Variants in TDRD3 observed in about 807,000 individuals in gnomAD.
The protein encoded by TDRD3 is tudor domain containing 3.
A neutral mutation model predicts 86.7 loss-of-function variants in TDRD3; 45 were observed. That is an observed-to-expected ratio of 0.52 (90% CI 0.41 to 0.67). The LOEUF is 0.67. Among genes scored for constraint, TDRD3 ranks in the 30% least tolerant of loss-of-function variants. The pLI is 0.00. For missense variants in TDRD3, 814 were observed against 889.0 expected, an observed-to-expected ratio of 0.92 and a Z score of 1.07; for synonymous variants, 298 against 301.7, an observed-to-expected ratio of 0.99 and a Z score of 0.13.
In TDRD3 at chr13:60,528,741, A is replaced by G; in HGVS notation, c.1516A>G (p.Arg506Gly). The G allele has an allele frequency of 6.2e-7, 1 of 1,613,068 alleles. No individual in the cohort carries two copies. Among genetic ancestry groups the G allele is most frequent in the Non-Finnish European group, 8.5e-7 (1 of 1,179,732 alleles). The stretch of plus-strand genomic sequence containing the variant: ...AAAAAGAGATAACTCTATGCAAAGC[A>G]GATCAGGAAAAGGTCCCTCCTTTGC... ...FKKRDNSMQS[R>G]SGKGPSFAEA... is the part of the protein sequence containing the mutation. The change falls in exon 11 of 14, where the codon AGA (arginine) becomes GGA (glycine). Residue 506 changes from arginine to glycine, a missense_variant. Transcript: ENST00000377881.
chr13:60,491,237 G>A (rs558472615), intron 7 of TDRD3, among the ~76,000 whole-genome samples: 1 of 152,280 alleles, frequency 6.6e-6, no homozygotes, highest in East Asian at 1.9e-4. Context: ...AGGGGAGGAG[G>A]ATCTGGTGCT....
chr13:60,430,507 G>A lies in TDRD3; in HGVS notation c.42-9181G>A, dbSNP rs75839250. ...AAAAAGTAACCCCAGTTCTGCTTCT[G>A]AATTAATGTATGAAAATATAGAATT... On this transcript the variant is annotated intron_variant, in intron 1 of 13. Transcript: ENST00000377881. Among the ~76,000 whole-genome samples the A allele has an allele frequency of 3.9e-5, 6 of 152,104 alleles. No individual in the cohort carries two copies. The East Asian group carries it at 9.6e-4, about 24-fold the overall frequency.
chr13:60,481,209 C>T (rs1430109061), intron 5 of TDRD3, among the ~76,000 whole-genome samples: 1 of 152,130 alleles, frequency 6.6e-6, no homozygotes, highest in African/African-American at 2.4e-5. Flanking sequence ...TATGATGTAC[C>T]TAACATGGTT....
Position 60,510,722 on chromosome 13 carries a change from T to C in TDRD3, c.1108T>C (p.Leu370=). The C allele has an allele frequency of 6.3e-7, 1 of 1,591,158 alleles. No homozygotes were observed. Among genetic ancestry groups the C allele is most frequent in the Non-Finnish European group, 8.5e-7 (1 of 1,169,642 alleles). Residue 370 remains leucine (L), a synonymous_variant, in exon 10 of 14, where the codon TTG becomes CTG. Coordinates refer to ENST00000377881, the MANE Select transcript of TDRD3 (RefSeq NM_001146070.2). ...PSAPSTLFDF[L]ESKMGTLNVE... ...AGCACCAAGCACATTATTTGATTTC[T>C]TGGAATCTAAAATGGGAACTTTGAA...
chr13:60,486,036 C>A (rs1004326969), intron 7 of TDRD3, 88 bp downstream of exon 7: 6 of 1,323,290 alleles, frequency 4.5e-6, no homozygotes, highest in Non-Finnish European at 5.9e-6. Flanking sequence ...TTCATATAAG[C>A]TAACTAATTC....
In TDRD3 at chr13:60,443,505, TA is replaced by T. The variant is rs1955329679; in HGVS notation, c.127-1172del. 2.0e-5 allele frequency among the ~76,000 whole-genome samples: 3 copies of T among 152,080 alleles called. No individual in the cohort carries two copies. The South Asian group carries it at 6.2e-4, about 32-fold the overall frequency. ...AGGAATAAATTATGAATCACAGTAG[TA>T]AAAAACTGGAAAGAATCTGTAGGGA... On this transcript the variant is annotated intron_variant, in intron 2 of 13. Coordinates refer to ENST00000377881, the MANE Select transcript of TDRD3 (RefSeq NM_001146070.2).
Position 60,548,115 on chromosome 13 carries a change from A to C in TDRD3, c.2118+12882A>C, listed in dbSNP as rs79345961. On this transcript the variant is annotated intron_variant, in intron 12 of 13. Coordinates refer to ENST00000377881, the MANE Select transcript of TDRD3 (RefSeq NM_001146070.2). ...GAGTTAAAAGTTCTTCAGAGGTCTC[A>C]CTGAAAGCTTAACCTGAGGAGTATA... 2.4e-3 allele frequency among the ~76,000 whole-genome samples: 367 copies of C among 152,326 alleles called. 3 individuals are homozygous for C. The highest frequency in any genetic ancestry group is 8.5e-3 in the African/African-American group (352 of 41,586).
intron 12 of TDRD3, among the ~76,000 whole-genome samples, chr13:60,559,127 T>G (rs1294497464): frequency 6.6e-6 from 1 of 152,206 alleles, no homozygotes; most frequent in Non-Finnish European, 1.5e-5. Flanking sequence ...TTAGAGTTAT[T>G]TGATTGAGAC....
intron 5 of TDRD3, among the ~76,000 whole-genome samples, chr13:60,473,816 G>GT (rs953741647): frequency 6.6e-6 from 1 of 152,186 alleles, no homozygotes; most frequent in African/African-American, 2.4e-5. Context: ...TGGGCTAGCA[G>GT]TAACGCCCTC....
At chr13:60,528,221 G>T (rs1161709559) in intron 10 of TDRD3, 146 bp from the exon 11 acceptor site, 2 of 877,828 alleles carry the variant, frequency 2.3e-6, no homozygotes, top group Non-Finnish European at 1.6e-6. Flanking sequence ...AAGCAAAGAA[G>T]GAGTAAGATA....
intron 11 of TDRD3, among the ~76,000 whole-genome samples, chr13:60,531,722 C>A (rs1957586206): frequency 6.6e-6 from 1 of 152,092 alleles, no homozygotes; most frequent in Non-Finnish European, 1.5e-5. Flanking sequence ...ATTCTCTCTG[C>A]CAGTAGAAAA....
intron 8 of TDRD3, among the ~76,000 whole-genome samples, chr13:60,503,031 A>T (rs1194543248): frequency 1.3e-5 from 2 of 152,240 alleles, no homozygotes; most frequent in East Asian, 3.8e-4. Flanking sequence ...ACCTTATTCA[A>T]TTATTAAAGG....
intron 1 of TDRD3, among the ~76,000 whole-genome samples, chr13:60,401,258 TAAC>T (rs959143065): frequency 3.3e-5 from 5 of 152,100 alleles, no homozygotes; most frequent in Non-Finnish European, 5.9e-5. Flanking sequence ...AAAATAAAAA[TAAC>T]AATACAACAA....
chr13:60,440,616 G>A (rs1038924482), intron 2 of TDRD3, among the ~76,000 whole-genome samples: 1 of 152,048 alleles, frequency 6.6e-6, no homozygotes, highest in East Asian at 1.9e-4. Flanking sequence ...AGGAGGTGGA[G>A]GTTGCAGTGA....
At chr13:60,443,112 TA>T (rs1566194895) in intron 2 of TDRD3, among the ~76,000 whole-genome samples, 4 of 151,906 alleles carry the variant, frequency 2.6e-5, no homozygotes, top group Admixed American at 6.6e-5. Flanking sequence ...TTCAGATGAT[TA>T]AAAAAAGTAC....
chr13:60,499,775 T>C (rs1956794794), intron 8 of TDRD3, among the ~76,000 whole-genome samples: 1 of 152,196 alleles, frequency 6.6e-6, no homozygotes, highest in South Asian at 2.1e-4. Context: ...AGTTGCTGCA[T>C]TTATAACCAA....
At chr13:60,557,584 C>T (rs1248139224) in intron 12 of TDRD3, among the ~76,000 whole-genome samples, 1 of 152,056 alleles carries the variant, frequency 6.6e-6, no homozygotes, top group Admixed American at 6.6e-5. Flanking sequence ...GCCCTGCCTG[C>T]TTTAAGGCTT....
At chr13:60,395,924 G>A (rs570830766), upstream of TDRD3, among the ~76,000 whole-genome samples, 2 of 152,246 alleles carry the variant, frequency 1.3e-5, no homozygotes, top group South Asian at 2.1e-4. Flanking sequence ...AATATACTTG[G>A]GAGCAAATCT....
intron 11 of TDRD3, among the ~76,000 whole-genome samples, chr13:60,530,734 T>G (rs1957565705): frequency 6.6e-6 from 1 of 151,538 alleles, no homozygotes; most frequent in Non-Finnish European, 1.5e-5. Flanking sequence ...GGATTACAGG[T>G]GTGAGCCACC....
Sources: gnomAD v4.1 joint callset for allele counts (sites outside exome capture counted in the v4.1 genomes callset) on GRCh38, gnomAD v4.1.1 for gene constraint, MANE v1.5 for transcripts, NCBI Gene and HGNC (gene_info 2026-07-23, HGNC 2026-07-21) for gene names.